SPOCK3: variants seen among roughly 807,000 people sequenced by gnomAD.
SPOCK3 encodes the protein SPARC (osteonectin), cwcv and kazal like domains proteoglycan 3.
A neutral mutation model predicts 56.6 loss-of-function variants in SPOCK3; 30 were observed. That is an observed-to-expected ratio of 0.53 (90% CI 0.40 to 0.72). SPOCK3 has a LOEUF of 0.72. Ranked by LOEUF, SPOCK3 falls within the 30% of genes least tolerant of loss-of-function variation. SPOCK3 has a pLI of 0.00. For synonymous variants in SPOCK3, 196 were observed against 183.3 expected (o/e 1.07, Z -0.56); for missense variants, 527 against 530.0 (o/e 0.99, Z 0.06).
chr4:166,827,105 C>T (rs1358970382), intron 6 of SPOCK3, among the ~76,000 whole-genome samples: 1 of 152,034 alleles, frequency 6.6e-6, no homozygotes, highest in African/African-American at 2.4e-5. Context: ...CTTTATCTTT[C>T]CAATAGTGTT....
At chr4:167,115,673 A>T (rs1232174246) in intron 2 of SPOCK3, among the ~76,000 whole-genome samples, 1 of 152,092 alleles carries the variant, frequency 6.6e-6, no homozygotes, top group Non-Finnish European at 1.5e-5. Context: ...GTAAAAGGAA[A>T]ATGCAGTTGT....
intron 6 of SPOCK3, among the ~76,000 whole-genome samples, chr4:166,798,604 C>T (rs1033135427): frequency 9.2e-5 from 14 of 152,050 alleles, no homozygotes; most frequent in African/African-American, 2.9e-4. Flanking sequence ...ATATCAGATA[C>T]GGAGAAACTT....
chr4:166,975,852 T>A (rs1035557958), intron 4 of SPOCK3, among the ~76,000 whole-genome samples: 3 of 152,102 alleles, frequency 2.0e-5, no homozygotes, highest in Non-Finnish European at 4.4e-5. Context: ...GATCTCAGTA[T>A]TTTTTTATGG....
chr4:167,093,137 T>C (rs1169181719), intron 2 of SPOCK3, among the ~76,000 whole-genome samples: 2 of 152,268 alleles, frequency 1.3e-5, no homozygotes, highest in Non-Finnish European at 2.9e-5. Flanking sequence ...TCCATTACAA[T>C]GCACTACTGC....
intron 2 of SPOCK3, among the ~76,000 whole-genome samples, chr4:167,141,788 TATAA>T (rs755797572): frequency 4.0e-5 from 6 of 151,892 alleles, no homozygotes; most frequent in Non-Finnish European, 8.8e-5. Flanking sequence ...GGCAACAAAT[TATAA>T]ACTAAATAAT....
At chr4:167,220,636 T>C (rs936767983) in intron 2 of SPOCK3, among the ~76,000 whole-genome samples, 1 of 151,892 alleles carries the variant, frequency 6.6e-6, no homozygotes, top group African/African-American at 2.4e-5. Flanking sequence ...TCCTCCCACC[T>C]TGGCCTCTGG....
chr4:167,229,764 T>C (rs1162740085), intron 2 of SPOCK3, among the ~76,000 whole-genome samples: 1 of 152,162 alleles, frequency 6.6e-6, no homozygotes, highest in African/African-American at 2.4e-5. Context: ...ACATGTTCTT[T>C]AGCTTACATT....
chr4:167,150,386 A>C (rs1764315698), intron 2 of SPOCK3, among the ~76,000 whole-genome samples: 1 of 152,178 alleles, frequency 6.6e-6, no homozygotes, highest in South Asian at 2.1e-4. Context: ...ATTTAGGTGA[A>C]AAAGAAAGAA....
At chr4:167,011,778 T>C (rs189242029) in intron 3 of SPOCK3, among the ~76,000 whole-genome samples, 8 of 152,222 alleles carry the variant, frequency 5.3e-5, no homozygotes, top group Admixed American at 5.2e-4. Context: ...CAGTCTCTTT[T>C]GGAGACCATT....
At chr4:167,006,376 A>G (rs533520874) in intron 3 of SPOCK3, among the ~76,000 whole-genome samples, 15 of 152,268 alleles carry the variant, frequency 9.9e-5, no homozygotes, top group African/African-American at 3.6e-4. Context: ...TATATTCTCT[A>G]TAACAGAATA....
At chr4:166,745,770 C>T (rs559791754) in intron 8 of SPOCK3, among the ~76,000 whole-genome samples, 133 of 152,118 alleles carry the variant, frequency 8.7e-4, no homozygotes, top group African/African-American at 3.1e-3. Context: ...CACACATAGG[C>T]TCAAAATAAA....
chr4:166,951,183 T>C (rs375275460), intron 4 of SPOCK3, among the ~76,000 whole-genome samples: 4 of 143,264 alleles, frequency 2.8e-5, no homozygotes, highest in Admixed American at 2.0e-4. Context: ...ATTGATAGAC[T>C]GCTAGCAAGA....
At chr4:166,741,679 C>T (rs1734857431) in intron 9 of SPOCK3, among the ~76,000 whole-genome samples, 1 of 151,970 alleles carries the variant, frequency 6.6e-6, no homozygotes, top group Admixed American at 6.6e-5. Flanking sequence ...ATATATTTGC[C>T]ATCAATTCTT....
chr4:167,202,123 C>T (rs533836962), intron 2 of SPOCK3, among the ~76,000 whole-genome samples: 3 of 151,964 alleles, frequency 2.0e-5, no homozygotes, highest in Admixed American at 2.0e-4. Flanking sequence ...TTAGTACTAC[C>T]TGCTTCACCT....
chr4:167,132,414 T>G (rs950350370), intron 2 of SPOCK3, among the ~76,000 whole-genome samples: 15 of 152,242 alleles, frequency 9.9e-5, no homozygotes, highest in African/African-American at 3.1e-4. Flanking sequence ...TCTGTGTATT[T>G]TTTTAAAGAC....
intron 4 of SPOCK3, among the ~76,000 whole-genome samples, chr4:166,930,184 T>TA (rs893334735): frequency 1.8e-4 from 27 of 151,856 alleles, no homozygotes; most frequent in African/African-American, 3.9e-4. Flanking sequence ...CTAATCTTTG[T>TA]AAAAAAAAGG....
intron 4 of SPOCK3, among the ~76,000 whole-genome samples, chr4:166,960,246 G>T (rs1474308217): frequency 6.6e-6 from 1 of 152,122 alleles, no homozygotes. Flanking sequence ...CTGATATGGA[G>T]AATGCAAAGA....
chr4:166,826,407 G>A (rs1365800653), intron 6 of SPOCK3, among the ~76,000 whole-genome samples: 1 of 152,002 alleles, frequency 6.6e-6, no homozygotes, highest in African/African-American at 2.4e-5. Context: ...TGAGTCAATA[G>A]AATATGATAA....
In SPOCK3 at chr4:166,839,137, A is replaced by G. The variant is rs190992671; in HGVS notation, c.590-46848T>C. Among the ~76,000 whole-genome samples, 12 of 152,192 alleles carry G rather than the reference A, an allele frequency of 7.9e-5. No individual in the cohort carries two copies. In the East Asian group the frequency reaches 1.9e-3, roughly 25 times the overall value. ...TTGTAAGACTCTGGATCTGATTCAT[A>G]GTTCTATTTTAGTTGGCTTTTTCTG... On this transcript the variant is annotated intron_variant, in intron 6 of 10. Coordinates refer to ENST00000357545, the MANE Select transcript of SPOCK3 (RefSeq NM_001040159.2).
Sources: gnomAD v4.1 joint callset for allele counts (sites outside exome capture counted in the v4.1 genomes callset) on GRCh38, gnomAD v4.1.1 for gene constraint, MANE v1.5 for transcripts, NCBI Gene and HGNC (gene_info 2026-07-23, HGNC 2026-07-21) for gene names.